The following EIF2AK3 variants were observed in gnomAD, a reference collection of about 807,000 sequenced individuals.
EIF2AK3 encodes eukaryotic translation initiation factor 2 alpha kinase 3, also known as eukaryotic translation initiation factor 2-alpha kinase 3.
EIF2AK3 carries 50 observed loss-of-function variants against 113.5 expected under a neutral mutation model. The observed-to-expected ratio is 0.44, with a 90% CI of 0.35 to 0.56. EIF2AK3 has a LOEUF of 0.56. Among genes scored for constraint, EIF2AK3 ranks in the 20% least tolerant of loss-of-function variants. EIF2AK3 has a pLI of 0.00. For synonymous variants in EIF2AK3, 448 were observed against 495.4 expected (o/e 0.90, Z 1.27); for missense variants, 1,185 against 1,378.0 (o/e 0.86, Z 2.22).
rs369034838 is a variant in EIF2AK3, at chr2:88,587,127, C to T, written c.1429+855G>A. ...GGCTGAGGCAGAAGAATCGCTTGAACCCAGGAGGTGGAGGTTGTAGTGAGC... is the reference window on the plus strand; with the variant it reads ...GGCTGAGGCAGAAGAATCGCTTGAATCCAGGAGGTGGAGGTTGTAGTGAGC... On this transcript the variant is annotated intron_variant, in intron 8 of 16. Transcript: ENST00000303236. 2.4e-4 allele frequency among the ~76,000 whole-genome samples: 36 copies of T among 149,108 alleles called. No individual in the cohort carries two copies. The South Asian group carries it at 6.7e-3, about 28-fold the overall frequency.
chr2:88,572,424 G>A (rs1674336557), intron 13 of EIF2AK3, among the ~76,000 whole-genome samples: 1 of 152,218 alleles, frequency 6.6e-6, no homozygotes. Context: ...TCTAAAAGTT[G>A]CTTACGCCAA....
rs1673861747 is a variant in EIF2AK3, at chr2:88,558,913, A to G, written c.3150+4T>C. The G allele has an allele frequency of 6.3e-7, 1 of 1,591,980 alleles. No individual in the cohort carries two copies. Among genetic ancestry groups the G allele is most frequent in the African/African-American group, 1.3e-5 (1 of 74,588 alleles). On this transcript the variant is annotated splice_donor_region_variant and intron_variant, in intron 16 of 16. Coordinates refer to ENST00000303236, the MANE Select transcript of EIF2AK3 (RefSeq NM_004836.7). Reference sequence around the variant, plus strand: ...AGAAGATAAAAGATGAGAATTACACATACCTCACAAGGATATTTCTGAGTA... The same window carrying G: ...AGAAGATAAAAGATGAGAATTACACGTACCTCACAAGGATATTTCTGAGTA...
At chr2:88,606,091 T>G (rs1216170729) in intron 2 of EIF2AK3, among the ~76,000 whole-genome samples, 1 of 152,208 alleles carries the variant, frequency 6.6e-6, no homozygotes, top group African/African-American at 2.4e-5. Flanking sequence ...CAGAGAAATA[T>G]CAAGTTGATA....
Position 88,571,019 on chromosome 2 carries a change from A to G in EIF2AK3, c.2840T>C (p.Met947Thr), listed in dbSNP as rs1045936070. 1.2e-6 allele frequency: 2 copies of G among 1,614,068 alleles called. No homozygotes were observed. The highest frequency in any genetic ancestry group is 1.7e-6 in the Non-Finnish European group (2 of 1,180,030). ...DLKPSNIFFT[M>T]DDVVKVGDFG... is the part of the protein sequence containing the mutation. ...GTCTCCAACCTTGACCACATCATCC[A>G]TTGTAAAGAATATGTTGGATGGCTG... The change falls in exon 14 of 17, where the codon ATG (methionine) becomes ACG (threonine). Residue 947 changes from methionine (M) to threonine (T), a missense_variant. Physicochemically the swap from Met to Thr is moderately conservative, Grantham distance 81. Transcript: ENST00000303236.
rs112885636 is a variant in EIF2AK3 at position 88,558,401 on chromosome 2, A to G, written c.3151-465T>C. ...AAAATTATGGCAGAGATCAGCAACC[A>G]ACACCTTTTCTTGGTTTTTAAAAAT... On this transcript the variant is annotated intron_variant, in intron 16 of 16. Coordinates refer to ENST00000303236, the MANE Select transcript of EIF2AK3 (RefSeq NM_004836.7). 5.5e-3 allele frequency among the ~76,000 whole-genome samples: 831 copies of G among 152,326 alleles called. 13 individuals are homozygous for G. Among genetic ancestry groups the G allele is most frequent in the African/African-American group, 0.019 (786 of 41,578 alleles).
chr2:88,604,725 A>C (rs1675227687), intron 2 of EIF2AK3, among the ~76,000 whole-genome samples: 1 of 152,178 alleles, frequency 6.6e-6, no homozygotes, highest in African/African-American at 2.4e-5. Flanking sequence ...GGTGCCTGTG[A>C]CTATCCCACT....
intron 16 of EIF2AK3, 150 bp downstream of exon 16, chr2:88,558,767 C>T: frequency 1.6e-6 from 1 of 615,578 alleles, no homozygotes; most frequent in Non-Finnish European, 2.8e-6. Context: ...TTGGTTTTAA[C>T]AAATTCTGGG....
chr2:88,627,264 G>A lies in EIF2AK3; in HGVS notation c.11C>T (p.Ala4Val). The change falls in exon 1 of 17, where the codon GCC (alanine) becomes GTC (valine). Residue 4 changes from alanine to valine, a missense_variant. This residue lies in a region of EIF2AK3 where 189 missense variants were observed against 175.2 expected (regional missense o/e 1.08). Transcript: ENST00000303236. MER[A>V]ISPGLLVRAL... ...CCGTACCAGCAGCCCCGGGCTGATGGCGCGCTCCATCAGCGTCCCGCCCCG... is the reference window on the plus strand; with the variant it reads ...CCGTACCAGCAGCCCCGGGCTGATGACGCGCTCCATCAGCGTCCCGCCCCG... 6.7e-7 allele frequency: 1 copy of A among 1,486,806 alleles called. No homozygotes were observed. Among genetic ancestry groups the A allele is most frequent in the Non-Finnish European group, 8.9e-7 (1 of 1,124,526 alleles). 92.1% of individuals were successfully genotyped at this position (1,486,806 alleles called of 1,614,324 possible).
intron 2 of EIF2AK3, among the ~76,000 whole-genome samples, chr2:88,612,353 G>A (rs1186339425): frequency 6.6e-6 from 1 of 152,058 alleles, no homozygotes; most frequent in Non-Finnish European, 1.5e-5. Flanking sequence ...TAAAAATAAA[G>A]TAAAACATGC....
At chr2:88,622,895 A>G (rs1307373452) in intron 1 of EIF2AK3, among the ~76,000 whole-genome samples, 3 of 152,224 alleles carry the variant, frequency 2.0e-5, no homozygotes. Context: ...AGAGGAAAAA[A>G]AGAGAAATTA....
chr2:88,597,697 T>C (rs1429011391), intron 2 of EIF2AK3, among the ~76,000 whole-genome samples: 1 of 152,194 alleles, frequency 6.6e-6, no homozygotes, highest in Non-Finnish European at 1.5e-5. Flanking sequence ...CAACCTAGCA[T>C]CATGTATTTT....
chr2:88,602,766 AC>A (rs1228557729), intron 2 of EIF2AK3, among the ~76,000 whole-genome samples: 1 of 152,040 alleles, frequency 6.6e-6, no homozygotes, highest in African/African-American at 2.4e-5. Flanking sequence ...TCACATGGAC[AC>A]AGGGAGGGGA....
chr2:88,601,965 C>A (rs1215549791), intron 2 of EIF2AK3, among the ~76,000 whole-genome samples: 1 of 150,896 alleles, frequency 6.6e-6, no homozygotes, highest in South Asian at 2.1e-4. Context: ...GATTCTCCTG[C>A]CTCAGCCTCC....
At chr2:88,580,600 G>A (rs1467963504) in intron 10 of EIF2AK3, among the ~76,000 whole-genome samples, 3 of 152,108 alleles carry the variant, frequency 2.0e-5, no homozygotes, top group Admixed American at 1.3e-4. Flanking sequence ...TTTCCAATGG[G>A]TGGGCACTAC....
At chr2:88,593,170 G>A (rs562243537) in intron 4 of EIF2AK3, 102 bp downstream of exon 4, 1 of 1,412,470 alleles carries the variant, frequency 7.1e-7, no homozygotes, top group Non-Finnish European at 9.9e-7. Context: ...ATGCTTTTAA[G>A]GCAACAAAAT....
rs1189612191 is a variant in EIF2AK3, at chr2:88,557,210, G to A, written c.*526C>T. ...CTACAAATAGGACTATAAAACTACGGACATAAACCGTTATACAGTTTGTGC... is the reference window on the plus strand; with the variant it reads ...CTACAAATAGGACTATAAAACTACGAACATAAACCGTTATACAGTTTGTGC... On this transcript the variant is annotated 3_prime_UTR_variant, in exon 17 of 17. Coordinates refer to ENST00000303236, the MANE Select transcript of EIF2AK3 (RefSeq NM_004836.7). The A allele has an allele frequency of 6.3e-6, 1 of 159,794 alleles. No individual in the cohort carries two copies. The highest frequency in any genetic ancestry group is 6.0e-5 in the Admixed American group (1 of 16,738). The allele number at this position is 159,794 out of a possible 1,614,324, so 9.9% of individuals were successfully genotyped here. A position where few individuals can be genotyped will look rare whatever the true frequency, so the allele number is the denominator to read the frequency against.
At chr2:88,619,281 G>A (rs992735185) in intron 1 of EIF2AK3, among the ~76,000 whole-genome samples, 6 of 152,130 alleles carry the variant, frequency 3.9e-5, no homozygotes, top group Non-Finnish European at 5.9e-5. Flanking sequence ...GTGAGCCACC[G>A]TGCCCGGCCT....
At chr2:88,606,691 A>G (rs1426834582) in intron 2 of EIF2AK3, among the ~76,000 whole-genome samples, 1 of 152,218 alleles carries the variant, frequency 6.6e-6, no homozygotes, top group Non-Finnish European at 1.5e-5. Context: ...AGGGTCTACT[A>G]ATAGACTCTT....
At chr2:88,568,418 A>G (rs2104398544) in intron 14 of EIF2AK3, among the ~76,000 whole-genome samples, 1 of 152,390 alleles carries the variant, frequency 6.6e-6, no homozygotes, top group South Asian at 2.1e-4. Context: ...TACATTCTTC[A>G]GCACCACGTG....
Sources: allele counts gnomAD v4.1 joint callset (sites outside exome capture counted in the v4.1 genomes callset), GRCh38; gene constraint gnomAD v4.1.1; regional missense constraint gnomAD v4.1.1; transcripts MANE v1.5; gene names NCBI Gene and HGNC (gene_info 2026-07-23, HGNC 2026-07-21).